The following NATD1 variants were observed in gnomAD, a reference collection of about 807,000 sequenced individuals.
NATD1 encodes the protein N-acetyltransferase domain containing 1.
In NATD1, 9 loss-of-function variants were observed where a neutral mutation model predicts 12.0. That is an observed-to-expected ratio of 0.75 (90% confidence interval 0.45 to 1.30). NATD1 has a LOEUF of 1.30. Among genes scored for constraint, NATD1 ranks in the 50% most tolerant of loss-of-function variants. The pLI is 0.00. For synonymous variants in NATD1, 71 were observed against 65.9 expected (o/e 1.08, Z -0.37); for missense variants, 148 against 148.5 (o/e 1.00, Z 0.02).
chr17:21,251,347 A>G (rs2044178495), intron 1 of NATD1, among the ~76,000 whole-genome samples: 1 of 151,736 alleles, frequency 6.6e-6, no homozygotes, highest in South Asian at 2.1e-4. Context: ...CTCTGAGTAT[A>G]ATGGCCCTCC....
In NATD1 at chr17:21,244,418, G is replaced by A. The variant is rs1975307925; in HGVS notation, c.107-194C>T. Among the ~76,000 whole-genome samples the A allele has an allele frequency of 6.6e-6, 1 of 152,166 alleles. No homozygotes were observed. Among genetic ancestry groups the A allele is most frequent in the Non-Finnish European group, 1.5e-5 (1 of 68,026 alleles). On this transcript the variant is annotated intron_variant, in intron 1 of 2. Coordinates refer to ENST00000611551, the MANE Select transcript of NATD1 (RefSeq NM_152914.3). This position sits in a 1 kb window ranked among gnomAD's most constrained non-coding sequence, Gnocchi z 5.2. ...AATGTCCTTCATAGGGTGGTTTGGA[G>A]GATTAAATGAGGTAACCTCTGTGAC...
In NATD1 at chr17:21,240,275, G is replaced by C. The variant is rs1009623470; in HGVS notation, c.*3038C>G. On this transcript the variant is annotated 3_prime_UTR_variant, in exon 3 of 3. Coordinates refer to ENST00000611551, the MANE Select transcript of NATD1 (RefSeq NM_152914.3). ...ACTGTTATCCTGCAGGGAGACCTCA[G>C]CCAAGCCCCAGTGACACGCAGGGTC... 6.6e-6 allele frequency: 1 copy of C among 152,244 alleles called. No individual in the cohort carries two copies. Among genetic ancestry groups the C allele is most frequent in the Non-Finnish European group, 1.5e-5 (1 of 68,072 alleles). The allele number at this position is 152,244 out of a possible 1,614,324, so 9.4% of individuals were successfully genotyped here.
At chr17:21,251,016 G>T (rs1379401256) in intron 1 of NATD1, among the ~76,000 whole-genome samples, 1 of 152,132 alleles carries the variant, frequency 6.6e-6, no homozygotes, top group Admixed American at 6.5e-5. Context: ...CCCCTCTCTG[G>T]TCCCAAGACA....
intron 2 of NATD1, 137 bp from the exon 3 acceptor site, chr17:21,243,566 G>A (rs1975298601): frequency 1.6e-6 from 1 of 640,232 alleles, no homozygotes; most frequent in Non-Finnish European, 2.7e-6. Context: ...TTGAGTTTCA[G>A]TGTCACCTGG....
rs1975236522 is a variant in NATD1 at position 21,238,888 on chromosome 17, A to G, written c.*4425T>C. The G allele has an allele frequency of 6.6e-6, 1 of 152,196 alleles. No homozygotes were observed. Among genetic ancestry groups the G allele is most frequent in the African/African-American group, 2.4e-5 (1 of 41,448 alleles). 9.4% of individuals were successfully genotyped at this position (152,196 alleles called of 1,614,324 possible). On this transcript the variant is annotated 3_prime_UTR_variant, in exon 3 of 3. Transcript: ENST00000611551. Reference sequence around the variant, plus strand: ...GAGCATCTTTGATAACCAGAAAAGAATCTCTTTAATATCTTGTAGCCGTAA... The same window carrying G: ...GAGCATCTTTGATAACCAGAAAAGAGTCTCTTTAATATCTTGTAGCCGTAA...
In NATD1 at chr17:21,242,033, C is replaced by G. The variant is rs901701279; in HGVS notation, c.*1280G>C. The G allele has an allele frequency of 7.2e-5, 11 of 152,414 alleles. No individual in the cohort carries two copies. Among genetic ancestry groups the G allele is most frequent in the African/African-American group, 2.2e-4 (9 of 41,438 alleles). 9.4% of individuals were successfully genotyped at this position (152,414 alleles called of 1,614,324 possible). On this transcript the variant is annotated 3_prime_UTR_variant, in exon 3 of 3. Transcript: ENST00000611551. ...CTGTACTGCCCAGAGCCCAGCCTGA[C>G]TCCCCCCGAAGCCGGGTAGGGATGC...
At position 21,240,023 on chromosome 17, in the gene NATD1, T is replaced by C. The variant is rs1018079431; in HGVS notation, c.*3290A>G. The stretch of plus-strand genomic sequence containing the variant: ...ATCATGAGGCTGGGCCTCACCTCCC[T>C]GCATTGGACCAGAAATTCTAAAGGA... On this transcript the variant is annotated 3_prime_UTR_variant, in exon 3 of 3. Coordinates refer to ENST00000611551, the MANE Select transcript of NATD1 (RefSeq NM_152914.3). The C allele has an allele frequency of 6.6e-6, 1 of 152,270 alleles. No individual in the cohort carries two copies. The highest frequency in any genetic ancestry group is 2.4e-5 in the African/African-American group (1 of 41,466). 9.4% of individuals were successfully genotyped at this position (152,270 alleles called of 1,614,324 possible). A position where few individuals can be genotyped will look rare whatever the true frequency, so the allele number is the denominator to read the frequency against.
chr17:21,244,249 C>T lies in NATD1; in HGVS notation c.107-25G>A. 1.3e-6 allele frequency: 2 copies of T among 1,590,638 alleles called. No homozygotes were observed. The highest frequency in any genetic ancestry group is 1.7e-6 in the Non-Finnish European group (2 of 1,164,390). Reference sequence around the variant, plus strand: ...CCTGGGGGTTGTGGAGACAGGTAAGCCTATGCTGACTCCCATCCCAGCGGA... The same window carrying T: ...CCTGGGGGTTGTGGAGACAGGTAAGTCTATGCTGACTCCCATCCCAGCGGA... On this transcript the variant is annotated intron_variant, in intron 1 of 2. Coordinates refer to ENST00000611551, the MANE Select transcript of NATD1 (RefSeq NM_152914.3). The surrounding 1 kb of genome is among the most constrained non-coding windows in gnomAD (Gnocchi z 5.2).
rs1179131570 is a variant in NATD1, at chr17:21,243,276, G to C, written c.*37C>G. The stretch of plus-strand genomic sequence containing the variant: ...GGGGCCAGGCAAAGGCCACGTGGAA[G>C]AGTCCGGCAGGGAGCGCTCCCGCCT... On this transcript the variant is annotated 3_prime_UTR_variant, in exon 3 of 3. Transcript: ENST00000611551. 4 of 1,562,970 alleles carry C rather than the reference G, an allele frequency of 2.6e-6. No individual in the cohort carries two copies. The African/African-American group carries it at 5.4e-5, about 21-fold the overall frequency.
chr17:21,241,687 C>G lies in NATD1; in HGVS notation c.*1626G>C, dbSNP rs3803794. ...GGGGGTACTCAGGATGGTGACCCCT[C>G]CTGGTCCATGCTGTGACCCACAGCA... On this transcript the variant is annotated 3_prime_UTR_variant, in exon 3 of 3. Coordinates refer to ENST00000611551, the MANE Select transcript of NATD1 (RefSeq NM_152914.3). 0.83 allele frequency: 126,410 copies of G among 152,192 alleles called. 52,960 individuals are homozygous for G. Among genetic ancestry groups the G allele is most frequent in the African/African-American group, 0.94 (39,148 of 41,504 alleles). 9.4% of individuals were successfully genotyped at this position (152,192 alleles called of 1,614,324 possible).
At position 21,243,174 on chromosome 17, in the gene NATD1, C is replaced by T. The variant is rs1045263194; in HGVS notation, c.*139G>A. ...GGTCAGCTGCCTCCAGGGATCTGGACGTGGGGCACAGATGAGTGTCCTTAC... is the reference window on the plus strand; with the variant it reads ...GGTCAGCTGCCTCCAGGGATCTGGATGTGGGGCACAGATGAGTGTCCTTAC... On this transcript the variant is annotated 3_prime_UTR_variant, in exon 3 of 3. Transcript: ENST00000611551. The T allele has an allele frequency of 3.8e-5, 25 of 654,478 alleles. No homozygotes were observed. Among genetic ancestry groups the T allele is most frequent in the East Asian group, 1.9e-4 (7 of 36,352 alleles). 40.5% of individuals were successfully genotyped at this position (654,478 alleles called of 1,614,324 possible).
chr17:21,248,876 G>C (rs1414001347), intron 1 of NATD1, among the ~76,000 whole-genome samples: 2 of 152,084 alleles, frequency 1.3e-5, no homozygotes, highest in East Asian at 1.9e-4. Context: ...CTGCCCCAGA[G>C]ACCTCACCTG....
Position 21,253,248 on chromosome 17 carries a change from G to A in NATD1, c.17C>T (p.Ala6Val), listed in dbSNP as rs1286413087. The A allele has an allele frequency of 1.2e-5, 12 of 996,872 alleles. No homozygotes were observed. The South Asian group carries it at 1.3e-4, about 11-fold the overall frequency. 61.8% of individuals were successfully genotyped at this position (996,872 alleles called of 1,614,324 possible). The change falls in exon 1 of 3, where the codon GCC becomes GTC. Residue 6 changes from alanine (A) to valine (V), a missense_variant. Coordinates refer to ENST00000611551, the MANE Select transcript of NATD1 (RefSeq NM_152914.3). ...CTCCAGCGCGCCCAGCGGCACGGCGGCAGCCGAGTGCGCCATCTGCGCGCG... is the reference window on the plus strand; with the variant it reads ...CTCCAGCGCGCCCAGCGGCACGGCGACAGCCGAGTGCGCCATCTGCGCGCG... Reference protein sequence around the residue: MAHSAAAVPLGALEQG... With the variant: MAHSAVAVPLGALEQG...
In NATD1 at chr17:21,253,326, G is replaced by T; in HGVS notation, c.-62C>A. On this transcript the variant is annotated 5_prime_UTR_variant, in exon 1 of 3. Transcript: ENST00000611551. ...CGGGGCGCGCGGGGAAAGGTCAGGC[G>T]CGCGGCGGGGCTGGAGCGCGGGCGC... The T allele has an allele frequency of 1.4e-6, 1 of 732,594 alleles. No homozygotes were observed. The highest frequency in any genetic ancestry group is 1.7e-6 in the Non-Finnish European group (1 of 600,030). The allele number at this position is 732,594 out of a possible 1,614,324, so 45.4% of individuals were successfully genotyped here. A position where few individuals can be genotyped will look rare whatever the true frequency, so the allele number is the denominator to read the frequency against.
intron 2 of NATD1, 68 bp from the exon 3 acceptor site, chr17:21,243,497 T>A: frequency 7.7e-7 from 1 of 1,305,218 alleles, no homozygotes; most frequent in South Asian, 1.2e-5. Context: ...CATTGTCTGC[T>A]GCCTCCCCAG....
Position 21,253,186 on chromosome 17 carries a change from G to A in NATD1, c.79C>T (p.Arg27Cys). ...CPIRVEHDRR[R>C]RQFTVRLNGC... ...TTGAGCCGGACAGTGAACTGGCGGC[G>A]CCGGCGGTCGTGCTCCACGCGGATG... Residue 27 changes from arginine to cysteine, a missense_variant, in exon 1 of 3, where the codon CGC (arginine) becomes TGC (cysteine). Coordinates refer to ENST00000611551, the MANE Select transcript of NATD1 (RefSeq NM_152914.3). The A allele has an allele frequency of 9.8e-7, 1 of 1,017,504 alleles. No individual in the cohort carries two copies. The highest frequency in any genetic ancestry group is 1.2e-6 in the Non-Finnish European group (1 of 852,254). The allele number at this position is 1,017,504 out of a possible 1,614,324, so 63.0% of individuals were successfully genotyped here. A position where few individuals can be genotyped will look rare whatever the true frequency, so the allele number is the denominator to read the frequency against.
At chr17:21,249,731 G>T (rs1245601086) in intron 1 of NATD1, among the ~76,000 whole-genome samples, 1 of 152,204 alleles carries the variant, frequency 6.6e-6, no homozygotes, top group African/African-American at 2.4e-5. Flanking sequence ...GGCTAAGGAA[G>T]GGGCTGCCCA....
rs1321281400 is a variant in NATD1 at position 21,244,006 on chromosome 17, A to G, written c.225+100T>C. Reference sequence around the variant, plus strand: ...GCCCAGAGAGGACCCAGGGCCAAGAAGCAGGCTGAAGTGGCCACCAGGGCC... The same window carrying G: ...GCCCAGAGAGGACCCAGGGCCAAGAGGCAGGCTGAAGTGGCCACCAGGGCC... On this transcript the variant is annotated intron_variant, in intron 2 of 2. Coordinates refer to ENST00000611551, the MANE Select transcript of NATD1 (RefSeq NM_152914.3). This position sits in a 1 kb window ranked among gnomAD's most constrained non-coding sequence, Gnocchi z 5.2. 9.4e-7 allele frequency: 1 copy of G among 1,064,640 alleles called. No individual in the cohort carries two copies. The highest frequency in any genetic ancestry group is 1.4e-6 in the Non-Finnish European group (1 of 739,950). 65.9% of individuals were successfully genotyped at this position (1,064,640 alleles called of 1,614,324 possible).
In NATD1 at chr17:21,253,275, G is replaced by A. The variant is rs1473123821; in HGVS notation, c.-11C>T. Reference sequence around the variant, plus strand: ...AGCCGAGTGCGCCATCTGCGCGCGGGGCTGCGGCGCGGCGCCGGCGGGGGC... The same window carrying A: ...AGCCGAGTGCGCCATCTGCGCGCGGAGCTGCGGCGCGGCGCCGGCGGGGGC... On this transcript the variant is annotated 5_prime_UTR_variant, in exon 1 of 3. Coordinates refer to ENST00000611551, the MANE Select transcript of NATD1 (RefSeq NM_152914.3). The A allele has an allele frequency of 1.1e-5, 11 of 984,774 alleles. No individual in the cohort carries two copies. The highest frequency in any genetic ancestry group is 1.3e-5 in the Non-Finnish European group (11 of 829,540). 61.0% of individuals were successfully genotyped at this position (984,774 alleles called of 1,614,324 possible).
Sources: allele counts gnomAD v4.1 joint callset (sites outside exome capture counted in the v4.1 genomes callset), GRCh38; gene constraint gnomAD v4.1.1; non-coding constraint Gnocchi (gnomAD v3.1); transcripts MANE v1.5; gene names NCBI Gene and HGNC (gene_info 2026-07-23, HGNC 2026-07-21).